RARG: variants seen among roughly 807,000 people sequenced by gnomAD.
RARG encodes the protein RAR-gamma.
Under a neutral mutation model 43.7 loss-of-function variants are expected in RARG, and 17 were observed. That is an observed-to-expected ratio of 0.39 (90% CI 0.27 to 0.58). RARG has a LOEUF of 0.58. RARG is among the 20% of genes least tolerant of loss of function. The probability of loss-of-function intolerance (pLI) is 0.57; values close to 1 mark genes in which losing one functional copy is unlikely to be tolerated. For synonymous variants in RARG, 238 were observed against 236.4 expected, an observed-to-expected ratio of 1.01 and a Z score of -0.06; for missense variants, 346 against 598.7, an observed-to-expected ratio of 0.58 and a Z score of 4.40.
intron 9 of RARG, among the ~76,000 whole-genome samples, chr12:53,212,737 TACACACACACACACACACACACAC>T (rs1160084920): frequency 7.5e-6 from 1 of 133,702 alleles, no homozygotes; most frequent in Non-Finnish European, 1.6e-5. Context: ...AATATATATA[TACACACACACACACACACACACAC>T]ACACACACAC....
Position 53,214,869 on chromosome 12 carries a change from T to TG in RARG, c.476-264dup, listed in dbSNP as rs370785655. 1.7e-3 allele frequency: 718 copies of TG among 424,944 alleles called. 7 individuals carry two copies. The highest frequency in any genetic ancestry group is 0.012 in the African/African-American group (578 of 49,314). The allele number at this position is 424,944 out of a possible 1,614,324, so 26.3% of individuals were successfully genotyped here. A position where few individuals can be genotyped will look rare whatever the true frequency, so the allele number is the denominator to read the frequency against. On this transcript the variant is annotated intron_variant, in intron 5 of 9. Transcript: ENST00000425354. The stretch of plus-strand genomic sequence containing the variant: ...GTCCTTCCTGTCACCCTGCAGGAGC[T>TG]GGGGGAGGGGGGGCAGGATATGCAG...
intron 3 of RARG, among the ~76,000 whole-genome samples, chr12:53,223,430 C>T (rs1943027743): frequency 8.9e-6 from 1 of 112,816 alleles, no homozygotes; most frequent in East Asian, 2.4e-4. Context: ...ATGTGAGGCG[C>T]GTTGGGCAGG....
At position 53,215,185 on chromosome 12, in the gene RARG, C is replaced by T; in HGVS notation, c.475+108G>A. The T allele has an allele frequency of 7.0e-7, 1 of 1,419,402 alleles. No homozygotes were observed. The highest frequency in any genetic ancestry group is 9.6e-7 in the Non-Finnish European group (1 of 1,042,286). The allele number at this position is 1,419,402 out of a possible 1,614,324, so 87.9% of individuals were successfully genotyped here. On this transcript the variant is annotated intron_variant, in intron 5 of 9. Coordinates refer to ENST00000425354, the MANE Select transcript of RARG (RefSeq NM_000966.6). This position sits in a 1 kb window ranked among gnomAD's most constrained non-coding sequence, Gnocchi z 6.4. ...CCTGGGAGAAGGCAGCACCCCAGGG[C>T]AGGCCAAGTCTCAGAGGTCAGGGAA...
In RARG at chr12:53,211,639, G is replaced by C. The variant is rs374724760; in HGVS notation, c.*37C>G. On this transcript the variant is annotated 3_prime_UTR_variant, in exon 10 of 10. Coordinates refer to ENST00000425354, the MANE Select transcript of RARG (RefSeq NM_000966.6). The surrounding 1 kb of genome is among the most constrained non-coding windows in gnomAD (Gnocchi z 4.6). Reference sequence around the variant, plus strand: ...GGAGATGGTCAGTCTGCTGCCTGAAGCCCCAACCCCCACAGCGGGGAGGTC... The same window carrying C: ...GGAGATGGTCAGTCTGCTGCCTGAACCCCCAACCCCCACAGCGGGGAGGTC... 22 of 1,407,758 alleles carry C rather than the reference G, an allele frequency of 1.6e-5. No homozygotes were observed. Among genetic ancestry groups the C allele is most frequent in the Non-Finnish European group, 2.0e-5 (21 of 1,076,104 alleles). The allele number at this position is 1,407,758 out of a possible 1,614,324, so 87.2% of individuals were successfully genotyped here. A position where few individuals can be genotyped will look rare whatever the true frequency, so the allele number is the denominator to read the frequency against.
In RARG at chr12:53,214,620, G is replaced by T. The variant is rs765475032; in HGVS notation, c.476-14C>A. 11 of 1,592,586 alleles carry T rather than the reference G, an allele frequency of 6.9e-6. No individual in the cohort carries two copies. On this transcript the variant is annotated splice_polypyrimidine_tract_variant and intron_variant, in intron 5 of 9. Coordinates refer to ENST00000425354, the MANE Select transcript of RARG (RefSeq NM_000966.6). The stretch of plus-strand genomic sequence containing the variant: ...CATTTCGCACAGCTTGTGGGTGGAG[G>T]CGCAAGGAGAGGGTCAGGACCCTCA...
At chr12:53,219,951 T>C (rs779309650) in intron 3 of RARG, 5 of 1,515,664 alleles carry the variant, frequency 3.3e-6, no homozygotes, top group South Asian at 2.6e-5. Context: ...GGTACCTACA[T>C]TGCAGGCTGG....
intron 3 of RARG, among the ~76,000 whole-genome samples, chr12:53,225,758 GGGA>G (rs1943091894): frequency 6.6e-6 from 1 of 152,176 alleles, no homozygotes; most frequent in Admixed American, 6.5e-5. Context: ...ACTACCAACT[GGGA>G]GGAGAGGGGT....
chr12:53,222,561 A>G (rs1474269444), intron 3 of RARG, among the ~76,000 whole-genome samples: 5 of 152,040 alleles, frequency 3.3e-5, no homozygotes, highest in Non-Finnish European at 7.4e-5. Context: ...AGGGCACAGG[A>G]GGAGTTGGGG....
In RARG at chr12:53,227,368, A is replaced by G. The variant is rs1376775025; in HGVS notation, c.178T>C (p.Ser60Pro). 6.4e-7 allele frequency: 1 copy of G among 1,561,584 alleles called. No individual in the cohort carries two copies. Among genetic ancestry groups the G allele is most frequent in the Non-Finnish European group, 8.7e-7 (1 of 1,154,820 alleles). The change falls in exon 3 of 10, where the codon TCT becomes CCT. Residue 60 changes from serine (S) to proline (P), a missense_variant. By Grantham distance (74) the Ser-to-Pro change is moderately conservative (BLOSUM62 -1). Coordinates refer to ENST00000425354, the MANE Select transcript of RARG (RefSeq NM_000966.6). The surrounding 1 kb of genome is among the most constrained non-coding windows in gnomAD (Gnocchi z 4.3). ...CAAGATCCCTGAGACTCACACAGAGAGGCCATCTCCTTGGGGAGGTCAGGC... is the reference window on the plus strand; with the variant it reads ...CAAGATCCCTGAGACTCACACAGAGGGGCCATCTCCTTGGGGAGGTCAGGC... ...GQPDLPKEMA[S>P]LSVETQSTSS... is the part of the protein sequence containing the mutation.
In RARG at chr12:53,213,908, TA is replaced by T; in HGVS notation, c.813+150del. On this transcript the variant is annotated intron_variant, in intron 7 of 9. Transcript: ENST00000425354. This position sits in a 1 kb window ranked among gnomAD's most constrained non-coding sequence, Gnocchi z 4.7. ...CATCCAAAAGTCTAGGATCAGGTCA[TA>T]GGGGCAGAGGCTAAGACGAAAAGAG... The T allele has an allele frequency of 8.9e-7, 1 of 1,122,096 alleles. No individual in the cohort carries two copies. The highest frequency in any genetic ancestry group is 1.3e-6 in the Non-Finnish European group (1 of 779,108). 69.5% of individuals were successfully genotyped at this position (1,122,096 alleles called of 1,614,324 possible).
intron 3 of RARG, among the ~76,000 whole-genome samples, chr12:53,216,841 T>TGTGTGTGTGTGTGTGTGTGCGC (rs1430491578): frequency 1.5e-4 from 20 of 129,430 alleles, no homozygotes; most frequent in African/African-American, 6.1e-4. Context: ...TGTGTGTGTG[T>TGTGTGTGTGTGTGTGTGTGCGC]GCGCGCGCGC....
intron 3 of RARG, chr12:53,220,377 T>A: frequency 5.3e-6 from 4 of 751,654 alleles, no homozygotes; most frequent in Non-Finnish European, 6.2e-6. Flanking sequence ...AGACCTTTTT[T>A]AAAAGCGAAG....
Position 53,215,844 on chromosome 12 carries a change from C to A in RARG, c.185-50G>T. ...GGTCAGGGGAGAAGGACCCCACAGA[C>A]CTCCAGGCTTCCTCATCACACACAC... On this transcript the variant is annotated intron_variant, in intron 3 of 9. Coordinates refer to ENST00000425354, the MANE Select transcript of RARG (RefSeq NM_000966.6). This position sits in a 1 kb window ranked among gnomAD's most constrained non-coding sequence, Gnocchi z 6.4. 1.3e-6 allele frequency: 2 copies of A among 1,523,532 alleles called. No homozygotes were observed. The allele number at this position is 1,523,532 out of a possible 1,614,324, so 94.4% of individuals were successfully genotyped here.
At position 53,214,513 on chromosome 12, in the gene RARG, A is replaced by G; in HGVS notation, c.569T>C (p.Ile190Thr). Residue 190 changes from isoleucine (I) to threonine (T), a missense_variant, in exon 6 of 10, where the codon ATC (isoleucine) becomes ACC (threonine). Coordinates refer to ENST00000425354, the MANE Select transcript of RARG (RefSeq NM_000966.6). ...CTGATGGGCTTTGCTGACCTTGGTG[A>G]TGAGCTCTTCTAACTGAGGGCTCAG... ...YELSPQLEEL[I>T]TKVSKAHQET... The G allele has an allele frequency of 6.2e-7, 1 of 1,613,930 alleles. No homozygotes were observed. The highest frequency in any genetic ancestry group is 1.6e-4 in the Middle Eastern group (1 of 6,062).
intron 3 of RARG, among the ~76,000 whole-genome samples, chr12:53,220,605 T>C (rs1942930310): frequency 1.3e-5 from 2 of 152,168 alleles, no homozygotes; most frequent in South Asian, 4.1e-4. Flanking sequence ...TATAAAATCA[T>C]AGGTGCACAC....
intron 3 of RARG, chr12:53,220,461 G>A: frequency 1.4e-6 from 1 of 717,584 alleles, no homozygotes. Context: ...TGAGAGTGGA[G>A]CGCACACATA....
chr12:53,221,536 T>C (rs919067460), intron 3 of RARG, among the ~76,000 whole-genome samples: 5 of 152,170 alleles, frequency 3.3e-5, no homozygotes, highest in African/African-American at 4.8e-5. Context: ...CTTCGGTTAG[T>C]GCCCCTCAGC....
intron 2 of RARG, chr12:53,230,105 GA>G (rs1440230712): frequency 6.3e-6 from 3 of 475,772 alleles, no homozygotes; most frequent in Non-Finnish European, 8.2e-6. Flanking sequence ...ATGGACTAAG[GA>G]ATTGAAGGCA....
At chr12:53,220,162 C>G in intron 3 of RARG, 5 of 1,549,604 alleles carry the variant, frequency 3.2e-6, no homozygotes, top group Non-Finnish European at 4.4e-6. Flanking sequence ...GCCGATTCCC[C>G]CTCCTCCCCC....
Sources: allele counts gnomAD v4.1 joint callset (sites outside exome capture counted in the v4.1 genomes callset), GRCh38; gene constraint gnomAD v4.1.1; non-coding constraint Gnocchi (gnomAD v3.1); transcripts MANE v1.5; gene names NCBI Gene and HGNC (gene_info 2026-07-23, HGNC 2026-07-21).